The following ATP10D variants were observed in gnomAD, a reference collection of about 807,000 sequenced individuals.
The protein encoded by ATP10D is phospholipid-transporting ATPase VD.
Under a neutral mutation model 144.8 loss-of-function variants are expected in ATP10D, and 89 were observed. That is an observed-to-expected ratio of 0.61 (90% confidence interval 0.52 to 0.73). The LOEUF (loss-of-function observed/expected upper bound fraction) is 0.73. Among genes scored for constraint, ATP10D ranks in the 30% least tolerant of loss-of-function variants. ATP10D has a pLI of 0.00. For synonymous variants in ATP10D, 571 were observed against 615.1 expected (o/e 0.93, Z 1.06); for missense variants, 1,603 against 1,714.8 (o/e 0.93, Z 1.15).
chr4:47,586,541 T>C (rs929297986), intron 21 of ATP10D, among the ~76,000 whole-genome samples: 10 of 152,166 alleles, frequency 6.6e-5, no homozygotes. Context: ...TGGCCATGCT[T>C]AATTTCAAGG....
intron 15 of ATP10D, among the ~76,000 whole-genome samples, chr4:47,565,104 T>G (rs10003620): frequency 0.24 from 36,648 of 151,972 alleles, 4,465 homozygotes; most frequent in Admixed American, 0.31. Flanking sequence ...GACTACAGGC[T>G]CCCGACACCA....
chr4:47,523,685 A>G (rs1717088192), intron 4 of ATP10D, among the ~76,000 whole-genome samples: 1 of 152,234 alleles, frequency 6.6e-6, no homozygotes, highest in Non-Finnish European at 1.5e-5. Flanking sequence ...CTATTAATTT[A>G]CTGTGAGACT....
intron 4 of ATP10D, 45 bp from the exon 5 acceptor site, chr4:47,525,512 G>T: frequency 7.3e-7 from 1 of 1,368,314 alleles, no homozygotes; most frequent in South Asian, 1.2e-5. Flanking sequence ...AATATTAAGG[G>T]TTTAACCTTG....
intron 1 of ATP10D, among the ~76,000 whole-genome samples, chr4:47,497,431 GACA>G (rs1373824445): frequency 6.6e-6 from 1 of 151,920 alleles, no homozygotes; most frequent in Non-Finnish European, 1.5e-5. Flanking sequence ...CTCCAGCCTG[GACA>G]ACAAGAGCGA....
intron 1 of ATP10D, among the ~76,000 whole-genome samples, chr4:47,497,544 T>C (rs1715453217): frequency 6.6e-6 from 1 of 152,134 alleles, no homozygotes; most frequent in African/African-American, 2.4e-5. Context: ...TTAGCTCAAA[T>C]AGGCCATGAA....
chr4:47,516,768 T>C (rs909033051), intron 3 of ATP10D, among the ~76,000 whole-genome samples: 2 of 152,158 alleles, frequency 1.3e-5, no homozygotes, highest in African/African-American at 4.8e-5. Context: ...TTTTTTCTCT[T>C]ATACTCATGT....
intron 1 of ATP10D, among the ~76,000 whole-genome samples, chr4:47,507,854 G>A (rs1716103075): frequency 6.6e-6 from 1 of 152,068 alleles, no homozygotes. Flanking sequence ...TCATTCCGTG[G>A]TCAAGCTAAA....
chr4:47,591,293 T>G lies in ATP10D; in HGVS notation c.4193T>G (p.Leu1398Ter). Reference protein sequence around the residue: ...ASSCAIEQGNLSLCETALDQG... With the variant: ...ASSCAIEQGN ...TCCTGTGCTATTGAGCAAGGAAACTTATCTCTGTGTGAAACTGCTTTAGAT... is the reference window on the plus strand; with the variant it reads ...TCCTGTGCTATTGAGCAAGGAAACTGATCTCTGTGTGAAACTGCTTTAGAT... The change falls in exon 23 of 23, where the codon TTA (leucine) becomes TGA (stop). Residue 1398 changes from leucine to a stop codon, truncating the protein, a stop_gained. Transcript: ENST00000273859. LOFTEE classifies it low-confidence loss of function (END_TRUNC). 6.2e-7 allele frequency: 1 copy of G among 1,613,466 alleles called. No individual in the cohort carries two copies. Among genetic ancestry groups the G allele is most frequent in the Non-Finnish European group, 8.5e-7 (1 of 1,179,496 alleles).
At chr4:47,525,951 C>A (rs1487157846) in intron 5 of ATP10D, among the ~76,000 whole-genome samples, 1 of 152,168 alleles carries the variant, frequency 6.6e-6, no homozygotes, top group Non-Finnish European at 1.5e-5. Flanking sequence ...GGCCTTGAGC[C>A]AAGTTATCTA....
chr4:47,585,317 C>T (rs1017449555), intron 21 of ATP10D, among the ~76,000 whole-genome samples: 1 of 139,778 alleles, frequency 7.2e-6, no homozygotes, highest in East Asian at 2.1e-4. Context: ...TAGGCATATA[C>T]TTTTCTTCCT....
At chr4:47,525,697 C>A in intron 5 of ATP10D, 55 bp downstream of exon 5, 8 of 1,389,662 alleles carry the variant, frequency 5.8e-6, no homozygotes, top group Non-Finnish European at 8.2e-6. Flanking sequence ...GTGTTGCAAT[C>A]GTACTTAATT....
chr4:47,530,807 T>C (rs1717528385), intron 5 of ATP10D, among the ~76,000 whole-genome samples: 1 of 152,218 alleles, frequency 6.6e-6, no homozygotes, highest in African/African-American at 2.4e-5. Flanking sequence ...TATTGATTTG[T>C]ATATGTTAAA....
At chr4:47,539,496 G>A (rs751354099) in intron 9 of ATP10D, among the ~76,000 whole-genome samples, 5 of 152,060 alleles carry the variant, frequency 3.3e-5, no homozygotes, top group African/African-American at 4.8e-5. Flanking sequence ...TAACACATAT[G>A]TATATGTTTT....
chr4:47,518,986 C>G lies in ATP10D; in HGVS notation c.485+3316C>G, dbSNP rs780648779. ...TGGGGCTGTCCTGTTTTCATGATAC[C>G]AACCACAACATTGATTCAAAAATTA... On this transcript the variant is annotated intron_variant, in intron 3 of 22. Transcript: ENST00000273859. 4.1e-4 allele frequency among the ~76,000 whole-genome samples: 62 copies of G among 152,154 alleles called. No homozygotes were observed. The South Asian group carries it at 4.8e-3, about 12-fold the overall frequency.
intron 15 of ATP10D, among the ~76,000 whole-genome samples, chr4:47,566,611 G>A (rs6827231): frequency 0.44 from 66,991 of 151,782 alleles, 15,235 homozygotes; most frequent in East Asian, 0.7. Flanking sequence ...TCCCATTACA[G>A]TATATTTTCT....
chr4:47,569,183 T>C, intron 16 of ATP10D, 37 bp downstream of exon 16: 1 of 1,587,774 alleles, frequency 6.3e-7, no homozygotes, highest in Non-Finnish European at 8.6e-7. Flanking sequence ...CTCTTCTCCC[T>C]TTCACACCAC....
intron 1 of ATP10D, among the ~76,000 whole-genome samples, chr4:47,510,306 G>C (rs566927903): frequency 6.6e-6 from 1 of 152,232 alleles, no homozygotes; most frequent in East Asian, 1.9e-4. Flanking sequence ...TGGAGAGTAG[G>C]AGAGAGACTC....
intron 10 of ATP10D, among the ~76,000 whole-genome samples, chr4:47,550,399 T>G (rs1718674297): frequency 6.6e-6 from 1 of 152,144 alleles, no homozygotes; most frequent in Admixed American, 6.6e-5. Flanking sequence ...TTTTACTTGT[T>G]AATTTGAATT....
intron 4 of ATP10D, among the ~76,000 whole-genome samples, chr4:47,524,162 G>A (rs899471114): frequency 3.3e-5 from 5 of 152,124 alleles, no homozygotes; most frequent in East Asian, 1.9e-4. Context: ...TCCTCACCTC[G>A]TGATCCATGT....
Sources: gnomAD v4.1 joint callset for allele counts (sites outside exome capture counted in the v4.1 genomes callset) on GRCh38, gnomAD v4.1.1 for gene constraint, MANE v1.5 for transcripts, NCBI Gene and HGNC (gene_info 2026-07-23, HGNC 2026-07-21) for gene names.